The following PSG3 variants were observed in gnomAD, a reference collection of about 807,000 sequenced individuals.
The protein encoded by PSG3 is pregnancy specific beta-1-glycoprotein 3, also known as pregnancy-specific beta-1-glycoprotein 3.
PSG3 carries 61 observed loss-of-function variants against 47.5 expected under a neutral mutation model. That is an observed-to-expected ratio of 1.28 (90% CI 1.05 to 1.59). PSG3 has a LOEUF of 1.59. PSG3 is among the 40% of genes most tolerant of loss of function. PSG3 has a pLI of 0.00. For synonymous variants in PSG3, 263 were observed against 198.4 expected, an observed-to-expected ratio of 1.33 and a Z score of -2.74; for missense variants, 756 against 524.0, an observed-to-expected ratio of 1.44 and a Z score of -4.32.
intron 3 of PSG3, among the ~76,000 whole-genome samples, chr19:42,730,766 G>C (rs1291263851): frequency 6.6e-6 from 1 of 152,242 alleles, no homozygotes; most frequent in Non-Finnish European, 1.5e-5. Context: ...TGGTGGCTTT[G>C]GAGCAGAAGC....
chr19:42,725,038 T>C (rs1269989001), intron 5 of PSG3, among the ~76,000 whole-genome samples: 2 of 152,146 alleles, frequency 1.3e-5, no homozygotes, highest in Admixed American at 1.3e-4. Context: ...CTTAGAGTGG[T>C]GTAAAACTTT....
intron 2 of PSG3, among the ~76,000 whole-genome samples, chr19:42,736,643 T>TGTGTGTGC (rs1969568480): frequency 6.6e-6 from 1 of 151,600 alleles, no homozygotes; most frequent in Non-Finnish European, 1.5e-5. Context: ...TGTGTGTGTG[T>TGTGTGTGC]GTGTGTGTGT....
intron 5 of PSG3, among the ~76,000 whole-genome samples, chr19:42,727,426 A>T (rs1354331480): frequency 6.6e-6 from 1 of 152,196 alleles, no homozygotes; most frequent in Non-Finnish European, 1.5e-5. Flanking sequence ...ACATCCAAAA[A>T]CCCAATTAAA....
Position 42,739,060 on chromosome 19 carries a change from T to C in PSG3, c.94A>G (p.Thr32Ala). Residue 32 changes from threonine (T) to alanine (A), a missense_variant, in exon 2 of 7, where the codon ACC (threonine) becomes GCC (alanine). By Grantham distance (58) the Thr-to-Ala change is moderately conservative. Transcript: ENST00000327495. ...ALLLNFWNLP[T>A]TAQVTIEAEP... ...GCTTCAATCGTGACTTGGGCAGTGG[T>C]AGGCAAGTTCCAGAAGTTTAAAAGT... 2 of 1,609,768 alleles carry C rather than the reference T, an allele frequency of 1.2e-6. No homozygotes were observed. The highest frequency in any genetic ancestry group is 2.2e-5 in the South Asian group (2 of 90,936).
Position 42,723,944 on chromosome 19 carries a change from G to T in PSG3, c.*38C>A. On this transcript the variant is annotated splice_region_variant and 3_prime_UTR_variant, in exon 6 of 7. Transcript: ENST00000327495. ...GATAAGAGGAAAGGTCATCATACCT[G>T]CCAGTCTTCCTGAAATACAGAAATG... is the stretch of plus-strand genomic sequence containing the variant. 5 of 1,578,638 alleles carry T rather than the reference G, an allele frequency of 3.2e-6. No individual in the cohort carries two copies. Among genetic ancestry groups the T allele is most frequent in the Non-Finnish European group, 4.4e-6 (5 of 1,147,808 alleles).
At chr19:42,739,512 C>T (rs766303574) in intron 1 of PSG3, 12 of 187,580 alleles carry the variant, frequency 6.4e-5, no homozygotes, top group Admixed American at 1.6e-4. Context: ...CACCTGACCT[C>T]ACATTCTAGA....
At chr19:42,737,682 G>A (rs1161799012) in intron 2 of PSG3, among the ~76,000 whole-genome samples, 1 of 152,154 alleles carries the variant, frequency 6.6e-6, no homozygotes, top group Non-Finnish European at 1.5e-5. Context: ...AGGGTGATTG[G>A]AACCCAGTAA....
chr19:42,725,447 G>T lies in PSG3; in HGVS notation c.1244-1422C>A, dbSNP rs553171288. Among the ~76,000 whole-genome samples, 318 of 152,166 alleles carry T rather than the reference G, an allele frequency of 2.1e-3. 1 individual carries two copies. Among genetic ancestry groups the T allele is most frequent in the African/African-American group, 6.6e-3 (274 of 41,500 alleles). ...ATAAATAAAATGGAGAATGGAAAAA[G>T]AATAGAGGAAATTAATGAAACCAAA... On this transcript the variant is annotated intron_variant, in intron 5 of 6. Transcript: ENST00000327495.
chr19:42,738,517 C>T (rs541384063), intron 2 of PSG3, among the ~76,000 whole-genome samples: 7 of 152,272 alleles, frequency 4.6e-5, no homozygotes, highest in Non-Finnish European at 7.4e-5. Context: ...TCCTCTGCAG[C>T]GAGTGTCTGC....
At chr19:42,722,519 G>C (rs997911180) in intron 6 of PSG3, among the ~76,000 whole-genome samples, 2 of 152,182 alleles carry the variant, frequency 1.3e-5, no homozygotes, top group African/African-American at 4.8e-5. Context: ...CTCCCAAAGT[G>C]CTGGGATGAC....
At position 42,721,720 on chromosome 19, in the gene PSG3, A is replaced by T; in HGVS notation, c.*411T>A. 2.7e-6 allele frequency: 1 copy of T among 372,892 alleles called. No individual in the cohort carries two copies. The highest frequency in any genetic ancestry group is 3.9e-5 in the East Asian group (1 of 25,752). The allele number at this position is 372,892 out of a possible 1,614,324, so 23.1% of individuals were successfully genotyped here. The stretch of plus-strand genomic sequence containing the variant: ...TTTCCCAATTCTGGGGCACTTAGGG[A>T]GCAAAAGCAAATGTTTCAATTTTTG... On this transcript the variant is annotated 3_prime_UTR_variant, in exon 7 of 7. Transcript: ENST00000327495.
rs778447825 is a variant in PSG3 at position 42,729,775 on chromosome 19, C to T, written c.988+3G>A. 1 of 1,609,090 alleles carries T rather than the reference C, an allele frequency of 6.2e-7. No individual in the cohort carries two copies. The highest frequency in any genetic ancestry group is 1.1e-5 in the South Asian group (1 of 90,950). On this transcript the variant is annotated splice_donor_region_variant and intron_variant, in intron 4 of 6. Transcript: ENST00000327495. ...GGCCCACAGAGGAACAAAAGATACT[C>T]ACAGAGGACATTCAGGGTGACTGGG...
intron 5 of PSG3, among the ~76,000 whole-genome samples, chr19:42,724,923 A>G (rs1969352394): frequency 6.6e-6 from 1 of 151,958 alleles, no homozygotes; most frequent in Non-Finnish European, 1.5e-5. Context: ...GGCACTTCCT[A>G]TGTGCCAGGC....
rs561698284 is a variant in PSG3 at position 42,729,675 on chromosome 19, A to G, written c.988+103T>C. Reference sequence around the variant, plus strand: ...ATGGCCAGCTCGGATGTCCAGAAGTAATGGTATCTATACTTGGACCAGAGA... The same window carrying G: ...ATGGCCAGCTCGGATGTCCAGAAGTGATGGTATCTATACTTGGACCAGAGA... On this transcript the variant is annotated intron_variant, in intron 4 of 6. Coordinates refer to ENST00000327495, the MANE Select transcript of PSG3 (RefSeq NM_021016.4). The G allele has an allele frequency of 8.4e-3, 13,094 of 1,564,372 alleles. 102 individuals carry two copies. The highest frequency in any genetic ancestry group is 8.4e-3 in the Non-Finnish European group (9,761 of 1,156,824).
rs893922595 is a variant in PSG3, at chr19:42,721,900, T to A, written c.*231A>T. The A allele has an allele frequency of 1.4e-5, 6 of 415,118 alleles. No homozygotes were observed. The highest frequency in any genetic ancestry group is 2.7e-5 in the Non-Finnish European group (6 of 226,112). The allele number at this position is 415,118 out of a possible 1,614,324, so 25.7% of individuals were successfully genotyped here. ...TAAAATTGGGTTTTTTTCTTTGTCT[T>A]GAATTTCATGAAGTATCAGCCTGTT... On this transcript the variant is annotated 3_prime_UTR_variant, in exon 7 of 7. Transcript: ENST00000327495.
At chr19:42,739,195 GACACACACACACACATACAAAC>G in intron 1 of PSG3, 106 bp from the exon 2 acceptor site, 1 of 1,388,266 alleles carries the variant, frequency 7.2e-7, no homozygotes, top group Non-Finnish European at 9.8e-7. Context: ...GCTTTGAAGA[GACACACACACACACATACAAAC>G]ACACACACAC....
chr19:42,729,137 G>T lies in PSG3; in HGVS notation c.1229C>A (p.Thr410Lys), dbSNP rs550724628. Residue 410 changes from threonine to lysine, a missense_variant, in exon 5 of 7, where the codon ACA (threonine) becomes AAA (lysine). Transcript: ENST00000327495. ...ATGMESSKSM[T>K]VKVSAPSGTG... ...GATCCACTTACCAGAGACTTTGACT[G>T]TCATGGATTTGGAGCTTTCCATGCC... 2.5e-6 allele frequency: 4 copies of T among 1,613,870 alleles called. No individual in the cohort carries two copies. Among genetic ancestry groups the T allele is most frequent in the Non-Finnish European group, 3.4e-6 (4 of 1,179,856 alleles).
At chr19:42,730,568 T>G (rs1969457200) in intron 3 of PSG3, among the ~76,000 whole-genome samples, 1 of 152,186 alleles carries the variant, frequency 6.6e-6, no homozygotes, top group South Asian at 2.1e-4. Flanking sequence ...ACTGGATGTT[T>G]CAGCAGAAAT....
intron 6 of PSG3, among the ~76,000 whole-genome samples, chr19:42,723,203 C>T (rs562464754): frequency 6.6e-6 from 1 of 152,318 alleles, no homozygotes; most frequent in South Asian, 2.1e-4. Flanking sequence ...TTCTGAGTCT[C>T]AGGTTCACAT....
Sources: gnomAD v4.1 joint callset for allele counts (sites outside exome capture counted in the v4.1 genomes callset) on GRCh38, gnomAD v4.1.1 for gene constraint, MANE v1.5 for transcripts, NCBI Gene and HGNC (gene_info 2026-07-23, HGNC 2026-07-21) for gene names.